The following ATP1B3 variants were observed in gnomAD, a reference collection of about 807,000 sequenced individuals.
ATP1B3 encodes sodium/potassium-transporting ATPase subunit beta-3.
Under a neutral mutation model 30.2 loss-of-function variants are expected in ATP1B3, and 10 were observed. The observed-to-expected ratio is 0.33, with a 90% CI of 0.20 to 0.56. The LOEUF is 0.56. ATP1B3 is among the 20% of genes least tolerant of loss of function. ATP1B3 has a pLI of 0.90. For missense variants in ATP1B3, 238 were observed against 336.7 expected (o/e 0.71, Z 2.29); for synonymous variants, 113 against 117.0 (o/e 0.97, Z 0.22).
chr3:141,882,878 G>A (rs190007623), intron 1 of ATP1B3, among the ~76,000 whole-genome samples: 31 of 152,248 alleles, frequency 2.0e-4, no homozygotes, highest in South Asian at 1.2e-3. Context: ...GAGCCACCGC[G>A]CCCGGCCTCA....
chr3:141,895,740 C>G (rs945386060), intron 1 of ATP1B3, among the ~76,000 whole-genome samples: 2 of 152,138 alleles, frequency 1.3e-5, no homozygotes, highest in Admixed American at 1.3e-4. Flanking sequence ...TTGGCTGGAT[C>G]TTTTGGTAGG....
At chr3:141,899,205 ATGGTATGCG>A (rs1934118728) in intron 1 of ATP1B3, among the ~76,000 whole-genome samples, 3 of 152,226 alleles carry the variant, frequency 2.0e-5, no homozygotes, top group African/African-American at 7.2e-5. Flanking sequence ...ACATATGTGA[ATGGTATGCG>A]AATAATATTG....
intron 1 of ATP1B3, among the ~76,000 whole-genome samples, chr3:141,897,212 C>G (rs1378221855): frequency 6.6e-6 from 1 of 152,208 alleles, no homozygotes; most frequent in East Asian, 1.9e-4. Context: ...CCAGAGCTCC[C>G]TCCTCCTCTC....
intron 1 of ATP1B3, chr3:141,903,139 A>G (rs1934196010): frequency 6.5e-6 from 1 of 154,818 alleles, no homozygotes; most frequent in Admixed American, 6.3e-5. Flanking sequence ...GGTGGGAGCC[A>G]TTAACTCACT....
intron 1 of ATP1B3, chr3:141,902,867 A>C (rs1245696119): frequency 6.6e-6 from 1 of 152,188 alleles, no homozygotes; most frequent in Non-Finnish European, 1.5e-5. Context: ...TTATCTGCAC[A>C]TTTCCTGATA....
At chr3:141,901,826 C>T (rs1934167404) in intron 1 of ATP1B3, among the ~76,000 whole-genome samples, 2 of 152,118 alleles carry the variant, frequency 1.3e-5, no homozygotes, top group Non-Finnish European at 1.5e-5. Context: ...AATAATTAAA[C>T]TCTTAGCAAT....
intron 6 of ATP1B3, among the ~76,000 whole-genome samples, chr3:141,923,494 T>A (rs921413455): frequency 6.6e-6 from 1 of 152,200 alleles, no homozygotes; most frequent in Non-Finnish European, 1.5e-5. Context: ...CTTCTCAGCC[T>A]CCATTAACTG....
chr3:141,890,861 C>T (rs1296474722), intron 1 of ATP1B3, among the ~76,000 whole-genome samples: 4 of 152,244 alleles, frequency 2.6e-5, no homozygotes, highest in Admixed American at 6.5e-5. Context: ...GGGTGAGTCA[C>T]GGCCCCCAGT....
intron 1 of ATP1B3, among the ~76,000 whole-genome samples, chr3:141,890,091 T>TC (rs1933915208): frequency 8.1e-6 from 1 of 123,248 alleles, no homozygotes; most frequent in South Asian, 3.2e-4. Flanking sequence ...TTTTTCTTTT[T>TC]TTTTTTTTTT....
intron 4 of ATP1B3, 120 bp downstream of exon 4, chr3:141,913,956 G>T: frequency 1.1e-6 from 1 of 950,674 alleles, no homozygotes; most frequent in East Asian, 2.7e-5. Context: ...ATCATTTGGG[G>T]GGTAGCTTGC....
intron 1 of ATP1B3, among the ~76,000 whole-genome samples, chr3:141,883,865 T>C (rs148347921): frequency 7.0e-4 from 107 of 152,302 alleles, no homozygotes; most frequent in Non-Finnish European, 1.4e-3. Context: ...TTCATGGAAG[T>C]TCAGTGTTCA....
chr3:141,922,582 G>C (rs376056421), intron 6 of ATP1B3, among the ~76,000 whole-genome samples: 1 of 151,778 alleles, frequency 6.6e-6, no homozygotes, highest in African/African-American at 2.4e-5. Flanking sequence ...GAACCCAGGA[G>C]GTGGAGGTTG....
rs184207136 is a variant in ATP1B3 at position 141,905,751 on chromosome 3, A to T, written c.239-1416A>T. 2.6e-5 allele frequency among the ~76,000 whole-genome samples: 4 copies of T among 152,182 alleles called. No individual in the cohort carries two copies. In the East Asian group the frequency reaches 7.7e-4, roughly 29 times the overall value. ...TTATTCTTTACTTGCTATTTAAGTG[A>T]TGTGACTTACCATTGAACATAGTCT... is the stretch of plus-strand genomic sequence containing the variant. On this transcript the variant is annotated intron_variant, in intron 2 of 6. Coordinates refer to ENST00000286371, the MANE Select transcript of ATP1B3 (RefSeq NM_001679.4).
chr3:141,905,191 T>C (rs1934241185), intron 2 of ATP1B3, among the ~76,000 whole-genome samples: 1 of 152,116 alleles, frequency 6.6e-6, no homozygotes, highest in Admixed American at 6.6e-5. Context: ...AAGAAGAAAG[T>C]TCAGTCCTAG....
intron 1 of ATP1B3, among the ~76,000 whole-genome samples, chr3:141,886,003 G>A (rs573594119): frequency 4.1e-4 from 63 of 152,142 alleles, no homozygotes; most frequent in Non-Finnish European, 5.3e-4. Flanking sequence ...GAATCAGTGA[G>A]AATCATTGTG....
At chr3:141,907,136 T>A in intron 2 of ATP1B3, 31 bp from the exon 3 acceptor site, 1 of 1,505,204 alleles carries the variant, frequency 6.6e-7, no homozygotes. Context: ...AGAAGGAAAT[T>A]TGATAATCTC....
chr3:141,915,904 C>CAG lies in ATP1B3; in HGVS notation c.532-63_532-62dup, dbSNP rs1338709662. 3 of 1,292,432 alleles carry CAG rather than the reference C, an allele frequency of 2.3e-6. No individual in the cohort carries two copies. The African/African-American group carries it at 4.4e-5, about 19-fold the overall frequency. The allele number at this position is 1,292,432 out of a possible 1,614,324, so 80.1% of individuals were successfully genotyped here. On this transcript the variant is annotated intron_variant, in intron 4 of 6. Transcript: ENST00000286371. ...AGTCTTCACCCCTTGTTCCCAGCAA[C>CAG]AGAGGGAGGAAGTTCCATTGCATAC...
At position 141,882,905 on chromosome 3, in the gene ATP1B3, T is replaced by G. The variant is rs950808612; in HGVS notation, c.109+5995T>G. On this transcript the variant is annotated intron_variant, in intron 1 of 6. Transcript: ENST00000286371. ...CCGGCCTCATGAGTTTTTAATGTTC[T>G]TATAACCACCTGCCTATCAGAAATC... 2.0e-5 allele frequency among the ~76,000 whole-genome samples: 3 copies of G among 152,192 alleles called. No homozygotes were observed. In the East Asian group the frequency reaches 5.8e-4, roughly 29 times the overall value.
At chr3:141,886,879 T>C (rs1337884375) in intron 1 of ATP1B3, among the ~76,000 whole-genome samples, 1 of 152,170 alleles carries the variant, frequency 6.6e-6, no homozygotes, top group Non-Finnish European at 1.5e-5. Context: ...AGCACACATC[T>C]TTGGTTCCAG....
Sources: gnomAD v4.1 joint callset for allele counts (sites outside exome capture counted in the v4.1 genomes callset) on GRCh38, gnomAD v4.1.1 for gene constraint, MANE v1.5 for transcripts, NCBI Gene and HGNC (gene_info 2026-07-23, HGNC 2026-07-21) for gene names.